Variants in JPH1 observed in about 807,000 individuals in gnomAD.
JPH1 encodes the protein junctophilin 1.
Under a neutral mutation model 53.6 loss-of-function variants are expected in JPH1, and 12 were observed. The ratio of observed to expected loss-of-function variants is 0.22; its 90% confidence interval spans 0.14 to 0.36. The LOEUF (loss-of-function observed/expected upper bound fraction) is 0.36, where lower values mean the gene tolerates loss of function less well. Among genes scored for constraint, JPH1 ranks in the 10% least tolerant of loss-of-function variants. The pLI is 1.00. For synonymous variants in JPH1, 375 were observed against 363.8 expected, an observed-to-expected ratio of 1.03 and a Z score of -0.35; for missense variants, 808 against 905.5, an observed-to-expected ratio of 0.89 and a Z score of 1.38.
intron 2 of JPH1, among the ~76,000 whole-genome samples, chr8:74,288,129 A>T (rs1807222092): frequency 1.3e-5 from 2 of 152,164 alleles, no homozygotes; most frequent in African/African-American, 2.4e-5. Context: ...ATTGTCTAAT[A>T]AGTATTACAC....
chr8:74,275,297 A>T (rs1004078982), intron 2 of JPH1, among the ~76,000 whole-genome samples: 3 of 152,178 alleles, frequency 2.0e-5, no homozygotes, highest in African/African-American at 7.2e-5. Context: ...ACAGAGATGA[A>T]GAAAATGGAT....
intron 2 of JPH1, among the ~76,000 whole-genome samples, chr8:74,309,918 CTTA>C (rs1586774505): frequency 1.3e-5 from 2 of 152,122 alleles, no homozygotes; most frequent in East Asian, 3.9e-4. Context: ...ACAGATTCTG[CTTA>C]TTATATTTTC....
intron 3 of JPH1, among the ~76,000 whole-genome samples, chr8:74,247,525 G>C (rs1028453051): frequency 6.6e-6 from 1 of 152,074 alleles, no homozygotes; most frequent in African/African-American, 2.4e-5. Flanking sequence ...CTAAGATTAA[G>C]GCACATTAAA....
At chr8:74,254,144 A>G (rs557419711) in intron 3 of JPH1, among the ~76,000 whole-genome samples, 1 of 152,280 alleles carries the variant, frequency 6.6e-6, no homozygotes, top group African/African-American at 2.4e-5. Context: ...AAAATCCTCA[A>G]TAAAATACTG....
At chr8:74,269,319 G>A (rs1414995586) in intron 2 of JPH1, among the ~76,000 whole-genome samples, 1 of 152,160 alleles carries the variant, frequency 6.6e-6, no homozygotes, top group Non-Finnish European at 1.5e-5. Flanking sequence ...CAGAATTTAT[G>A]AGAGAACTGT....
At chr8:74,307,564 C>G (rs1183696005) in intron 2 of JPH1, among the ~76,000 whole-genome samples, 3 of 152,218 alleles carry the variant, frequency 2.0e-5, no homozygotes, top group Non-Finnish European at 4.4e-5. Context: ...TAAATGCCCA[C>G]ATTTTAGGTG....
At chr8:74,253,328 T>A (rs1294025420) in intron 3 of JPH1, among the ~76,000 whole-genome samples, 1 of 150,636 alleles carries the variant, frequency 6.6e-6, no homozygotes, top group South Asian at 2.1e-4. Flanking sequence ...GAAATAAAGA[T>A]GTTCTTTGAA....
Position 74,237,212 on chromosome 8 carries a change from C to T in JPH1, c.*11G>A, listed in dbSNP as rs1191335832. On this transcript the variant is annotated 3_prime_UTR_variant, in exon 5 of 6. Transcript: ENST00000342232. ...AGAAATTAAGGCGATTCTTACCTTT[C>T]CTAATTCCAATCAAGTTAGAAAGTG... is the stretch of plus-strand genomic sequence containing the variant. 3.2e-6 allele frequency: 5 copies of T among 1,583,438 alleles called. No homozygotes were observed. The highest frequency in any genetic ancestry group is 1.3e-5 in the African/African-American group (1 of 74,166).
Position 74,321,034 on chromosome 8 carries a change from TC to T in JPH1, c.253del (p.Glu85SerfsTer70). 1 of 1,612,566 alleles carries T rather than the reference TC, an allele frequency of 6.2e-7. No homozygotes were observed. The highest frequency in any genetic ancestry group is 8.5e-7 in the Non-Finnish European group (1 of 1,179,404). On this transcript the variant is annotated frameshift_variant, in exon 1 of 6. Coordinates refer to ENST00000342232, the MANE Select transcript of JPH1 (RefSeq NM_020647.4). LOFTEE classifies it high-confidence loss of function. The surrounding 1 kb of genome is among the most constrained non-coding windows in gnomAD (Gnocchi z 4.3). ...GCGCCCCTTGAAACCATGTGACCAC[TC>T]CCCCCGGTACATCCACTTGCCCTTC... ...ETKGKWMYRG[E>X]WSHGFKGRYG...
Position 74,321,431 on chromosome 8 carries a change from T to A in JPH1, c.-144A>T. ...AGCTCGCGCTGCCGCTCGGCTCCAG[T>A]CCGACGCCGCCCCCGTCCTCCCTCC... On this transcript the variant is annotated 5_prime_UTR_variant, in exon 1 of 6. Transcript: ENST00000342232. This position sits in a 1 kb window ranked among gnomAD's most constrained non-coding sequence, Gnocchi z 4.3. 1 of 729,878 alleles carries A rather than the reference T, an allele frequency of 1.4e-6. No homozygotes were observed. Among genetic ancestry groups the A allele is most frequent in the Non-Finnish European group, 2.0e-6 (1 of 503,718 alleles). The allele number at this position is 729,878 out of a possible 1,614,324, so 45.2% of individuals were successfully genotyped here. A position where few individuals can be genotyped will look rare whatever the true frequency, so the allele number is the denominator to read the frequency against.
At chr8:74,267,121 A>G (rs905280942) in intron 2 of JPH1, among the ~76,000 whole-genome samples, 22 of 152,332 alleles carry the variant, frequency 1.4e-4, no homozygotes, top group African/African-American at 5.1e-4. Context: ...TGTTTTAGAC[A>G]AGTAGGATTT....
Position 74,237,293 on chromosome 8 carries a change from G to T in JPH1, c.1916C>A (p.Ser639Ter), listed in dbSNP as rs1247754432. The change falls in exon 5 of 6, where the codon TCA (serine) becomes TAA (stop). Residue 639 changes from serine to a stop codon, truncating the protein, a stop_gained. Transcript: ENST00000342232. LOFTEE classifies it high-confidence loss of function. ...LEKEANSGPN[S>*]IMIVLVMLLN... ...CAGCATGACAAGGACAATCATGATTGAATTAGGGCCCTGAAAATGAAAGAG... is the reference window on the plus strand; with the variant it reads ...CAGCATGACAAGGACAATCATGATTTAATTAGGGCCCTGAAAATGAAAGAG... 6.2e-7 allele frequency: 1 copy of T among 1,611,428 alleles called. No homozygotes were observed. Among genetic ancestry groups the T allele is most frequent in the South Asian group, 1.1e-5 (1 of 90,064 alleles).
intron 2 of JPH1, among the ~76,000 whole-genome samples, chr8:74,289,089 C>T (rs1038697527): frequency 2.6e-5 from 4 of 152,152 alleles, no homozygotes; most frequent in Admixed American, 2.0e-4. Context: ...GCAAACTAGT[C>T]CAAGGAAACA....
At chr8:74,306,708 T>G (rs555481233) in intron 2 of JPH1, among the ~76,000 whole-genome samples, 1 of 152,146 alleles carries the variant, frequency 6.6e-6, no homozygotes, top group African/African-American at 2.4e-5. Context: ...AAGCGATTCC[T>G]GCCTCAGCCT....
intron 3 of JPH1, among the ~76,000 whole-genome samples, chr8:74,246,911 T>C (rs1805876890): frequency 6.6e-6 from 1 of 152,230 alleles, no homozygotes; most frequent in African/African-American, 2.4e-5. Flanking sequence ...CAATGTTAAT[T>C]CTTAGGCCAG....
rs142240071 is a variant in JPH1, at chr8:74,303,381, C to G, written c.1139+11480G>C. Among the ~76,000 whole-genome samples, 11 of 152,218 alleles carry G rather than the reference C, an allele frequency of 7.2e-5. No individual in the cohort carries two copies. The East Asian group carries it at 2.1e-3, about 29-fold the overall frequency. Reference sequence around the variant, plus strand: ...TGGTATCCTTCTGAGTAAACAGTACCACCATCCATTAGTTGGCTAAGCCAG... The same window carrying G: ...TGGTATCCTTCTGAGTAAACAGTACGACCATCCATTAGTTGGCTAAGCCAG... On this transcript the variant is annotated intron_variant, in intron 2 of 5. Coordinates refer to ENST00000342232, the MANE Select transcript of JPH1 (RefSeq NM_020647.4).
intron 2 of JPH1, 90 bp downstream of exon 2, chr8:74,314,771 G>T: frequency 7.1e-7 from 1 of 1,404,902 alleles, no homozygotes; most frequent in Non-Finnish European, 9.9e-7. Context: ...AAAGCATTTA[G>T]CGATGTCACT....
rs750683458 is a variant in JPH1, at chr8:74,263,586, A to G, written c.1140-4083T>C. 1.1e-3 allele frequency among the ~76,000 whole-genome samples: 165 copies of G among 152,204 alleles called. 1 individual carries two copies. Among genetic ancestry groups the G allele is most frequent in the Admixed American group, 4.7e-3 (72 of 15,300 alleles). On this transcript the variant is annotated intron_variant, in intron 2 of 5. Transcript: ENST00000342232. Reference sequence around the variant, plus strand: ...TCCCGTTCTCTCACACACCATATCCACTGTCAGCAAATCCAGCTGGCACCA... The same window carrying G: ...TCCCGTTCTCTCACACACCATATCCGCTGTCAGCAAATCCAGCTGGCACCA...
chr8:74,255,966 T>C (rs1806211627), intron 3 of JPH1, among the ~76,000 whole-genome samples: 3 of 152,172 alleles, frequency 2.0e-5, no homozygotes, highest in South Asian at 4.1e-4. Flanking sequence ...AGTTCAACCA[T>C]TGTGGAAGTG....
Sources: allele counts gnomAD v4.1 joint callset (sites outside exome capture counted in the v4.1 genomes callset), GRCh38; gene constraint gnomAD v4.1.1; non-coding constraint Gnocchi (gnomAD v3.1); transcripts MANE v1.5; gene names NCBI Gene and HGNC (gene_info 2026-07-23, HGNC 2026-07-21).